The following EYA4 variants were observed in gnomAD, a reference collection of about 807,000 sequenced individuals.
EYA4 encodes EYA transcriptional coactivator and phosphatase 4.
In EYA4, 31 loss-of-function variants were observed where a neutral mutation model predicts 87.9. That is an observed-to-expected ratio of 0.35 (90% CI 0.27 to 0.48). EYA4 has a LOEUF of 0.48. Ranked by LOEUF, EYA4 falls within the 20% of genes least tolerant of loss-of-function variation. The pLI is 0.99. For missense variants in EYA4, 678 were observed against 761.4 expected, an observed-to-expected ratio of 0.89 and a Z score of 1.29; for synonymous variants, 263 against 270.6, an observed-to-expected ratio of 0.97 and a Z score of 0.28.
chr6:133,299,901 A>C (rs1234381322), intron 2 of EYA4, among the ~76,000 whole-genome samples: 1 of 148,514 alleles, frequency 6.7e-6, no homozygotes, highest in African/African-American at 2.5e-5. Context: ...ACTTATATAC[A>C]TATACATATG....
chr6:133,269,316 T>C (rs1776493944), intron 1 of EYA4, among the ~76,000 whole-genome samples: 1 of 152,162 alleles, frequency 6.6e-6, no homozygotes, highest in African/African-American at 2.4e-5. Flanking sequence ...TCAGTGTGCT[T>C]GATAATCCAC....
intron 3 of EYA4, among the ~76,000 whole-genome samples, chr6:133,412,956 C>G (rs974763850): frequency 6.6e-6 from 1 of 152,156 alleles, no homozygotes; most frequent in African/African-American, 2.4e-5. Context: ...CTCTTACACT[C>G]CCTTCCATTA....
intron 3 of EYA4, among the ~76,000 whole-genome samples, chr6:133,427,917 A>G (rs1353995786): frequency 2.0e-5 from 3 of 152,138 alleles, no homozygotes; most frequent in Non-Finnish European, 4.4e-5. Context: ...TAGATGAACA[A>G]TTATGATGAC....
intron 4 of EYA4, 88 bp downstream of exon 4, chr6:133,446,842 T>C (rs1250055397): frequency 1.3e-5 from 15 of 1,171,864 alleles, no homozygotes; most frequent in Non-Finnish European, 1.9e-5. Flanking sequence ...TAAATAAATA[T>C]CTTATTATCA....
chr6:133,450,580 C>T (rs775188403), intron 5 of EYA4, among the ~76,000 whole-genome samples: 19 of 152,034 alleles, frequency 1.2e-4, no homozygotes, highest in Non-Finnish European at 2.6e-4. Context: ...CTCGGCTCAC[C>T]GCAACTTCCA....
rs1421049580 is a variant in EYA4, at chr6:133,381,715, G to A, written c.34-677G>A. Among the ~76,000 whole-genome samples, 13 of 152,076 alleles carry A rather than the reference G, an allele frequency of 8.5e-5. No homozygotes were observed. In the East Asian group the frequency reaches 2.5e-3, roughly 29 times the overall value. On this transcript the variant is annotated intron_variant, in intron 2 of 19. Coordinates refer to ENST00000355286, the MANE Select transcript of EYA4 (RefSeq NM_004100.5). ...AGATATAGATATAAGTGCTTGAAGTGCAATTGTGAAAATCTATGGATTTCA... is the reference window on the plus strand; with the variant it reads ...AGATATAGATATAAGTGCTTGAAGTACAATTGTGAAAATCTATGGATTTCA...
At chr6:133,371,825 T>G (rs1031478132) in intron 2 of EYA4, among the ~76,000 whole-genome samples, 3 of 152,128 alleles carry the variant, frequency 2.0e-5, no homozygotes, top group Admixed American at 6.6e-5. Context: ...CTACGTGTAT[T>G]GAGGAAACCA....
chr6:133,485,895 G>A (rs1796644185), intron 13 of EYA4, among the ~76,000 whole-genome samples: 1 of 152,234 alleles, frequency 6.6e-6, no homozygotes, highest in Admixed American at 6.5e-5. Flanking sequence ...TTCAGCCGAT[G>A]TTTGACATTT....
chr6:133,401,428 A>G (rs1788254611), intron 3 of EYA4, among the ~76,000 whole-genome samples: 1 of 152,226 alleles, frequency 6.6e-6, no homozygotes, highest in Non-Finnish European at 1.5e-5. Context: ...AAGAAAATAC[A>G]AATATTTAAG....
intron 13 of EYA4, among the ~76,000 whole-genome samples, chr6:133,484,880 G>T (rs1796556037): frequency 6.6e-6 from 1 of 152,230 alleles, no homozygotes; most frequent in Non-Finnish European, 1.5e-5. Context: ...TCATCTTTTG[G>T]AATTATCATT....
chr6:133,518,991 A>C (rs1451131525), intron 17 of EYA4, among the ~76,000 whole-genome samples: 1 of 151,044 alleles, frequency 6.6e-6, no homozygotes, highest in African/African-American at 2.4e-5. Flanking sequence ...GGACGCATTC[A>C]AAGCAGTGTG....
chr6:133,243,913 C>T (rs1267649349), intron 1 of EYA4, among the ~76,000 whole-genome samples: 1 of 152,112 alleles, frequency 6.6e-6, no homozygotes. Flanking sequence ...GCAACAATAT[C>T]GAAAGCAGAC....
chr6:133,387,919 A>G (rs1332798525), intron 3 of EYA4, among the ~76,000 whole-genome samples: 1 of 152,154 alleles, frequency 6.6e-6, no homozygotes, highest in East Asian at 1.9e-4. Context: ...GGGTGTGCTG[A>G]CAGATTCCTG....
At chr6:133,501,182 C>T (rs117909240) in intron 13 of EYA4, among the ~76,000 whole-genome samples, 1 of 152,162 alleles carries the variant, frequency 6.6e-6, no homozygotes, top group East Asian at 1.9e-4. Context: ...TCTGAATTTG[C>T]TTTAAATTAG....
Position 133,261,832 on chromosome 6 carries a change from T to A in EYA4, c.-65-12884T>A, listed in dbSNP as rs17062246. On this transcript the variant is annotated intron_variant, in intron 1 of 19. Transcript: ENST00000355286. The stretch of plus-strand genomic sequence containing the variant: ...CTTCCACTCTCACTAGCAAGCAAAG[T>A]GGTCTGTATTTTTGAAATATATTTT... Among the ~76,000 whole-genome samples the A allele has an allele frequency of 5.6e-3, 851 of 152,344 alleles. 9 individuals are homozygous for A. Among genetic ancestry groups the A allele is most frequent in the African/African-American group, 0.019 (803 of 41,588 alleles).
intron 17 of EYA4, among the ~76,000 whole-genome samples, chr6:133,522,425 A>G (rs1456286343): frequency 6.6e-6 from 1 of 152,048 alleles, no homozygotes; most frequent in Non-Finnish European, 1.5e-5. Flanking sequence ...ATAGATATAA[A>G]CAAGTAGGCT....
chr6:133,519,978 C>G (rs1369112479), intron 17 of EYA4, among the ~76,000 whole-genome samples: 1 of 151,986 alleles, frequency 6.6e-6, no homozygotes, highest in Admixed American at 6.6e-5. Flanking sequence ...ATTGATGGGA[C>G]GTATTTCAAA....
At chr6:133,293,345 G>A (rs1225550373) in intron 2 of EYA4, among the ~76,000 whole-genome samples, 1 of 151,992 alleles carries the variant, frequency 6.6e-6, no homozygotes, top group African/African-American at 2.4e-5. Context: ...TAATTCACAT[G>A]TAGACAAACA....
intron 2 of EYA4, among the ~76,000 whole-genome samples, chr6:133,375,992 T>A (rs1785647532): frequency 6.6e-6 from 1 of 151,830 alleles, no homozygotes; most frequent in Non-Finnish European, 1.5e-5. Flanking sequence ...ATTGATATAC[T>A]ACAGTTTTTT....
Sources: gnomAD v4.1 joint callset for allele counts (sites outside exome capture counted in the v4.1 genomes callset) on GRCh38, gnomAD v4.1.1 for gene constraint, MANE v1.5 for transcripts, NCBI Gene and HGNC (gene_info 2026-07-23, HGNC 2026-07-21) for gene names.